The following PITPNM3 variants were observed in gnomAD, a reference collection of about 807,000 sequenced individuals.
PITPNM3 encodes the protein PITPNM family member 3.
In PITPNM3, 26 loss-of-function variants were observed where a neutral mutation model predicts 102.0. That is an observed-to-expected ratio of 0.25 (90% CI 0.19 to 0.35). PITPNM3 has a LOEUF of 0.35. PITPNM3 is among the 10% of genes least tolerant of loss of function. The pLI, the probability that PITPNM3 is intolerant of heterozygous loss-of-function variation, is 1.00. For synonymous variants in PITPNM3, 578 were observed against 558.6 expected, an observed-to-expected ratio of 1.03 and a Z score of -0.49; for missense variants, 1,083 against 1,346.1, an observed-to-expected ratio of 0.80 and a Z score of 3.06.
chr17:6,466,816 C>T (rs556874430), intron 14 of PITPNM3, among the ~76,000 whole-genome samples: 23 of 152,138 alleles, frequency 1.5e-4, no homozygotes, highest in Admixed American at 1.4e-3. Flanking sequence ...TTCATAGCAG[C>T]ATTATTCATA....
intron 15 of PITPNM3, 126 bp from the exon 16 acceptor site, chr17:6,464,444 G>T: frequency 8.5e-7 from 1 of 1,177,744 alleles, no homozygotes. Flanking sequence ...TGCCAGCCTG[G>T]CTCCTCATTT....
At position 6,471,184 on chromosome 17, in the gene PITPNM3, A is replaced by T. The variant is rs1385668192; in HGVS notation, c.1601T>A (p.Met534Lys). The T allele has an allele frequency of 2.5e-6, 4 of 1,612,820 alleles. No individual in the cohort carries two copies. Among genetic ancestry groups the T allele is most frequent in the Non-Finnish European group, 3.4e-6 (4 of 1,179,988 alleles). The change falls in exon 12 of 20, where the codon ATG becomes AAG. Residue 534 changes from methionine to lysine, a missense_variant. Met to Lys is a moderately conservative substitution (Grantham distance 95). Transcript: ENST00000262483. ...ACTGCGGGAGGCACCCACGGGTGCC[A>T]TGCTGTCCGAGGACTCCGAGCTCTC... Reference protein sequence around the residue: ...HSESSESSDSMAPVGASRITA... With the variant: ...HSESSESSDSKAPVGASRITA...
intron 1 of PITPNM3, among the ~76,000 whole-genome samples, chr17:6,547,749 T>C (rs927198144): frequency 2.0e-5 from 3 of 151,792 alleles, no homozygotes; most frequent in Non-Finnish European, 1.5e-5. Flanking sequence ...TTTTCTTTTT[T>C]TTTTTGACAG....
In PITPNM3 at chr17:6,472,605, C is replaced by T. The variant is rs73975555; in HGVS notation, c.1429+52G>A. 3.3e-3 allele frequency: 5,268 copies of T among 1,580,448 alleles called. 162 individuals are homozygous for T. In the African/African-American group the frequency reaches 0.061, roughly 18 times the overall value. On this transcript the variant is annotated intron_variant, in intron 11 of 19. Coordinates refer to ENST00000262483, the MANE Select transcript of PITPNM3 (RefSeq NM_031220.4). This position sits in a 1 kb window ranked among gnomAD's most constrained non-coding sequence, Gnocchi z 4.1. ...TGAGAGCTTGGAGGGGTTGAATGGG[C>T]TGGGGCCCCACCTCCAGCTCAGCAC...
At chr17:6,485,161 CTTTTTTT>C (rs1335515715) in intron 4 of PITPNM3, among the ~76,000 whole-genome samples, 1 of 139,546 alleles carries the variant, frequency 7.2e-6, no homozygotes, top group Non-Finnish European at 1.6e-5. Flanking sequence ...ATTTTCTTTT[CTTTTTTT>C]TTTTTTTTTG....
At chr17:6,473,364 G>A (rs879359892) in intron 10 of PITPNM3, 14 of 207,512 alleles carry the variant, frequency 6.7e-5, no homozygotes, top group Non-Finnish European at 1.2e-4. Context: ...TCATCGGCGG[G>A]CCTCCCTGTC....
chr17:6,459,553 A>G lies in PITPNM3; in HGVS notation c.2490+1820T>C, dbSNP rs115034840. Among the ~76,000 whole-genome samples, 948 of 152,084 alleles carry G rather than the reference A, an allele frequency of 6.2e-3. 9 individuals are homozygous for G. The highest frequency in any genetic ancestry group is 0.021 in the African/African-American group (891 of 41,490). On this transcript the variant is annotated intron_variant, in intron 18 of 19. Coordinates refer to ENST00000262483, the MANE Select transcript of PITPNM3 (RefSeq NM_031220.4). The surrounding 1 kb of genome is among the most constrained non-coding windows in gnomAD (Gnocchi z 5.0). The stretch of plus-strand genomic sequence containing the variant: ...AAGCCATATCAGGTCCCGTGGCTGT[A>G]TCAGCCTTGACATGTCCACAGCTGA...
intron 1 of PITPNM3, among the ~76,000 whole-genome samples, chr17:6,548,960 A>T (rs1910170652): frequency 1.3e-5 from 2 of 152,070 alleles, no homozygotes; most frequent in Admixed American, 1.3e-4. Context: ...AGAATGGGTC[A>T]TCTGGGAAGA....
At chr17:6,510,261 C>T (rs1907794622) in intron 3 of PITPNM3, among the ~76,000 whole-genome samples, 1 of 152,174 alleles carries the variant, frequency 6.6e-6, no homozygotes, top group Non-Finnish European at 1.5e-5. Context: ...AATCTATGAG[C>T]TGTCATTTAA....
At position 6,537,070 on chromosome 17, in the gene PITPNM3, C is replaced by T. The variant is rs184082465; in HGVS notation, c.118+917G>A. On this transcript the variant is annotated intron_variant, in intron 2 of 19. Coordinates refer to ENST00000262483, the MANE Select transcript of PITPNM3 (RefSeq NM_031220.4). The surrounding 1 kb of genome is among the most constrained non-coding windows in gnomAD (Gnocchi z 4.4). ...GCTGATCTCTGCCTGAAATGTCCAC[C>T]CCTTTGGATGCCCCTTTCTTTCAAT... Among the ~76,000 whole-genome samples the T allele has an allele frequency of 2.0e-5, 3 of 152,192 alleles. No individual in the cohort carries two copies. The East Asian group carries it at 5.8e-4, about 29-fold the overall frequency.
intron 3 of PITPNM3, among the ~76,000 whole-genome samples, chr17:6,514,476 C>T (rs111819158): frequency 7.4e-4 from 113 of 152,258 alleles, no homozygotes; most frequent in African/African-American, 2.5e-3. Context: ...AGGAGATAAA[C>T]AAACGATGAA....
rs908765840 is a variant in PITPNM3 at position 6,470,509 on chromosome 17, C to T, written c.1625-101G>A. On this transcript the variant is annotated intron_variant, in intron 12 of 19. Transcript: ENST00000262483. This position sits in a 1 kb window ranked among gnomAD's most constrained non-coding sequence, Gnocchi z 4.8. ...GCACAGACTGGTGGTGGATGCCCCA[C>T]GTGGGGCACGGGTTTGGGCGGGAGC... The T allele has an allele frequency of 1.3e-5, 20 of 1,522,970 alleles. No homozygotes were observed. Among genetic ancestry groups the T allele is most frequent in the African/African-American group, 6.8e-5 (5 of 73,380 alleles). The allele number at this position is 1,522,970 out of a possible 1,614,324, so 94.3% of individuals were successfully genotyped here. A position where few individuals can be genotyped will look rare whatever the true frequency, so the allele number is the denominator to read the frequency against.
intron 17 of PITPNM3, among the ~76,000 whole-genome samples, chr17:6,462,313 C>A (rs1366763295): frequency 6.6e-6 from 1 of 152,182 alleles, no homozygotes; most frequent in African/African-American, 2.4e-5. Context: ...GCATCTCCAG[C>A]TCCCCAGCGC....
chr17:6,502,523 G>A (rs1907247891), intron 4 of PITPNM3, among the ~76,000 whole-genome samples: 1 of 152,176 alleles, frequency 6.6e-6, no homozygotes. Context: ...CTGGGTTCCA[G>A]GCCATAGGAA....
chr17:6,513,377 A>T (rs1189590195), intron 3 of PITPNM3, among the ~76,000 whole-genome samples: 1 of 152,228 alleles, frequency 6.6e-6, no homozygotes, highest in African/African-American at 2.4e-5. Flanking sequence ...CTATTCAAAG[A>T]CGATGTAATC....
In PITPNM3 at chr17:6,478,146, C is replaced by T. The variant is rs1905427939; in HGVS notation, c.778-49G>A. ...GCAGGCCTGCCCACTGCTGACCCCT[C>T]ACCCCCACACCCGGCCAGAGCAGTG... On this transcript the variant is annotated intron_variant, in intron 7 of 19. Coordinates refer to ENST00000262483, the MANE Select transcript of PITPNM3 (RefSeq NM_031220.4). The surrounding 1 kb of genome is among the most constrained non-coding windows in gnomAD (Gnocchi z 4.4). 6.2e-7 allele frequency: 1 copy of T among 1,609,082 alleles called. No homozygotes were observed. Among genetic ancestry groups the T allele is most frequent in the East Asian group, 2.2e-5 (1 of 44,862 alleles).
In PITPNM3 at chr17:6,536,075, G is replaced by GA. The variant is rs1268505842; in HGVS notation, c.118+1911dup. On this transcript the variant is annotated intron_variant, in intron 2 of 19. Coordinates refer to ENST00000262483, the MANE Select transcript of PITPNM3 (RefSeq NM_031220.4). Reference sequence around the variant, plus strand: ...CGAGACTCCATCTCAAAAAAAAAAGGAAAAAAAAAGAAAAAAAAAAAAGGA... The same window carrying GA: ...CGAGACTCCATCTCAAAAAAAAAAGGAAAAAAAAAAGAAAAAAAAAAAAGGA... Among the ~76,000 whole-genome samples the GA allele has an allele frequency of 9.7e-3, 1,318 of 136,418 alleles. 30 individuals carry two copies. Among genetic ancestry groups the GA allele is most frequent in the African/African-American group, 0.034 (1,241 of 36,854 alleles). 89.5% of individuals were successfully genotyped at this position (136,418 alleles called of 152,430 possible).
At chr17:6,519,467 C>T (rs1218556386) in intron 3 of PITPNM3, among the ~76,000 whole-genome samples, 3 of 150,254 alleles carry the variant, frequency 2.0e-5, no homozygotes, top group African/African-American at 7.4e-5. Flanking sequence ...TGCAGTGAGC[C>T]GAGATAGCGC....
At chr17:6,485,481 G>C (rs915962788) in intron 4 of PITPNM3, among the ~76,000 whole-genome samples, 42 of 151,972 alleles carry the variant, frequency 2.8e-4, no homozygotes, top group African/African-American at 1.0e-3. Context: ...TTATACATCT[G>C]TGTATATATC....
Sources: gnomAD v4.1 joint callset for allele counts (sites outside exome capture counted in the v4.1 genomes callset) on GRCh38, gnomAD v4.1.1 for gene constraint, Gnocchi (gnomAD v3.1) non-coding constraint, MANE v1.5 for transcripts, NCBI Gene and HGNC (gene_info 2026-07-23, HGNC 2026-07-21) for gene names.